Variants in SLC12A8 observed in about 807,000 individuals in gnomAD.
The protein encoded by SLC12A8 is cation-chloride cotransporter 9.
In SLC12A8, 69 loss-of-function variants were observed where a neutral mutation model predicts 75.6. The observed-to-expected ratio is 0.91, with a 90% confidence interval of 0.75 to 1.11. SLC12A8 has a LOEUF of 1.11. SLC12A8 is among the 50% of genes most tolerant of loss of function. The pLI is 0.00. For missense variants in SLC12A8, 877 were observed against 896.7 expected (o/e 0.98, Z 0.28); for synonymous variants, 365 against 372.8 (o/e 0.98, Z 0.24).
intron 6 of SLC12A8, among the ~76,000 whole-genome samples, chr3:125,131,145 G>A (rs1309316497): frequency 6.6e-6 from 1 of 152,310 alleles, no homozygotes; most frequent in Admixed American, 6.5e-5. Flanking sequence ...TGTCCATTCA[G>A]GAGGAAGCTG....
intron 2 of SLC12A8, among the ~76,000 whole-genome samples, chr3:125,192,118 C>T (rs139123558): frequency 7.2e-4 from 110 of 152,180 alleles, no homozygotes; most frequent in Admixed American, 1.2e-3. Context: ...TTGTGTTCCA[C>T]TTCCTATCGT....
chr3:125,180,729 G>C (rs1183760084), intron 4 of SLC12A8, among the ~76,000 whole-genome samples: 1 of 152,156 alleles, frequency 6.6e-6, no homozygotes, highest in African/African-American at 2.4e-5. Flanking sequence ...ATTATTCGCT[G>C]CTGAAGAAGA....
chr3:125,100,417 A>AT (rs977939102), intron 10 of SLC12A8, among the ~76,000 whole-genome samples: 2 of 151,528 alleles, frequency 1.3e-5, no homozygotes, highest in African/African-American at 4.8e-5. Flanking sequence ...TATTATTATT[A>AT]TTTTTTAAAA....
chr3:125,120,874 G>A (rs372312099), intron 6 of SLC12A8, 188 bp from the exon 7 acceptor site: 57 of 702,718 alleles, frequency 8.1e-5, no homozygotes, highest in Admixed American at 4.0e-5. Context: ...TCCCTGTGGC[G>A]TGAAAGGCAC....
In SLC12A8 at chr3:125,135,650, A is replaced by G. The variant is rs1390232341; in HGVS notation, c.736+19T>C. On this transcript the variant is annotated intron_variant, in intron 6 of 13. Coordinates refer to ENST00000469902, the MANE Select transcript of SLC12A8 (RefSeq NM_024628.6). Reference sequence around the variant, plus strand: ...TATACCCCTAATTTGAGAGTAAAAAAGAACCCAGATTACAATACCTGTAGC... The same window carrying G: ...TATACCCCTAATTTGAGAGTAAAAAGGAACCCAGATTACAATACCTGTAGC... The G allele has an allele frequency of 6.5e-7, 1 of 1,528,626 alleles. No homozygotes were observed. The highest frequency in any genetic ancestry group is 8.9e-7 in the Non-Finnish European group (1 of 1,125,840). The allele number at this position is 1,528,626 out of a possible 1,614,324, so 94.7% of individuals were successfully genotyped here.
At position 125,187,384 on chromosome 3, in the gene SLC12A8, GACGAAGGAC is replaced by G; in HGVS notation, c.234_242del (p.Ser79_Val81del). On this transcript the variant is annotated inframe_deletion, in exon 4 of 14. Transcript: ENST00000469902. The stretch of plus-strand genomic sequence containing the variant: ...GCACCGTGACGAGGGCCACCAGGAT[GACGAAGGAC>G]ACCAGGAACATGCCCAGGAGCACTC... 2 of 1,614,194 alleles carry G rather than the reference GACGAAGGAC, an allele frequency of 1.2e-6. No homozygotes were observed. Among genetic ancestry groups the G allele is most frequent in the South Asian group, 2.2e-5 (2 of 91,078 alleles).
chr3:125,186,151 T>TAA (rs35218604), intron 4 of SLC12A8, among the ~76,000 whole-genome samples: 25 of 136,174 alleles, frequency 1.8e-4, no homozygotes, highest in African/African-American at 2.7e-4. Flanking sequence ...AGCAGAGAAG[T>TAA]AAAAAAAAAA....
chr3:125,211,557 G>A (rs1441947514), intron 1 of SLC12A8, among the ~76,000 whole-genome samples, 163 bp from the exon 2 acceptor site: 1 of 152,176 alleles, frequency 6.6e-6, no homozygotes, highest in Non-Finnish European at 1.5e-5. Context: ...TTACCTTTTT[G>A]GTACCCAGGT....
At chr3:125,152,509 T>C (rs887619256) in intron 5 of SLC12A8, among the ~76,000 whole-genome samples, 1 of 152,182 alleles carries the variant, frequency 6.6e-6, no homozygotes, top group African/African-American at 2.4e-5. Context: ...TTCAAGAGGA[T>C]GCAGGAAGAA....
At chr3:125,136,929 A>G (rs1056728081) in intron 5 of SLC12A8, among the ~76,000 whole-genome samples, 1 of 152,186 alleles carries the variant, frequency 6.6e-6, no homozygotes, top group African/African-American at 2.4e-5. Flanking sequence ...CTGCTTCTGA[A>G]TCTTGTCTCT....
At chr3:125,173,496 A>G (rs1560075810) in intron 5 of SLC12A8, among the ~76,000 whole-genome samples, 1 of 150,132 alleles carries the variant, frequency 6.7e-6, no homozygotes. Context: ...CTGGACACTC[A>G]TCTTACACCC....
At chr3:125,169,839 T>C (rs1934370742) in intron 5 of SLC12A8, among the ~76,000 whole-genome samples, 1 of 152,112 alleles carries the variant, frequency 6.6e-6, no homozygotes, top group African/African-American at 2.4e-5. Flanking sequence ...GAACTCCCGA[T>C]CAGCTCTGTG....
At chr3:125,104,196 T>G (rs1938962992) in intron 10 of SLC12A8, among the ~76,000 whole-genome samples, 2 of 151,868 alleles carry the variant, frequency 1.3e-5, no homozygotes, top group South Asian at 4.2e-4. Flanking sequence ...ACTTTGAATT[T>G]CTGGGCTTAA....
In SLC12A8 at chr3:125,169,729, G is replaced by A. The variant is rs138518555; in HGVS notation, c.622+8014C>T. On this transcript the variant is annotated intron_variant, in intron 5 of 13. Transcript: ENST00000469902. ...ATACCAGAGAAAGACCTGCAGAAAC[G>A]AACATTTGGGGGACTTCCAATGAAA... 2.1e-3 allele frequency among the ~76,000 whole-genome samples: 318 copies of A among 152,244 alleles called. 2 individuals are homozygous for A. The highest frequency in any genetic ancestry group is 0.014 in the East Asian group (72 of 5,174).
intron 2 of SLC12A8, among the ~76,000 whole-genome samples, chr3:125,207,929 C>T (rs1188732693): frequency 6.6e-6 from 1 of 152,212 alleles, no homozygotes; most frequent in Admixed American, 6.5e-5. Context: ...CTGGCCCAGA[C>T]CCTTCCACAT....
intron 7 of SLC12A8, 85 bp downstream of exon 7, chr3:125,120,514 C>G: frequency 1.0e-6 from 1 of 977,214 alleles, no homozygotes; most frequent in Non-Finnish European, 1.6e-6. Context: ...GGGGCACTCT[C>G]AGAACAAAAG....
intron 5 of SLC12A8, among the ~76,000 whole-genome samples, chr3:125,152,841 G>A (rs568456): frequency 0.15 from 22,423 of 152,124 alleles, 2,335 homozygotes; most frequent in South Asian, 0.4. Flanking sequence ...TTGCTGACAT[G>A]GATTCCCTGT....
chr3:125,114,409 G>A (rs1284959156), intron 8 of SLC12A8, among the ~76,000 whole-genome samples: 1 of 152,150 alleles, frequency 6.6e-6, no homozygotes, highest in Non-Finnish European at 1.5e-5. Flanking sequence ...TTGCTCTGTG[G>A]GATTACCCAG....
chr3:125,164,709 C>T (rs73193423), intron 5 of SLC12A8, among the ~76,000 whole-genome samples: 2,746 of 152,312 alleles, frequency 0.018, 35 homozygotes, highest in Non-Finnish European at 0.029. Flanking sequence ...TGAGCCTGGG[C>T]GCCCATCTCT....
Sources: gnomAD v4.1 joint callset for allele counts (sites outside exome capture counted in the v4.1 genomes callset) on GRCh38, gnomAD v4.1.1 for gene constraint, MANE v1.5 for transcripts, NCBI Gene and HGNC (gene_info 2026-07-23, HGNC 2026-07-21) for gene names.